CNTN5: variants seen among roughly 807,000 people sequenced by gnomAD.
CNTN5 encodes contactin-5.
CNTN5 carries 77 observed loss-of-function variants against 129.1 expected under a neutral mutation model. The observed-to-expected ratio is 0.60, with a 90% CI of 0.50 to 0.72. The LOEUF (loss-of-function observed/expected upper bound fraction) is 0.72. Ranked by LOEUF, CNTN5 falls within the 30% of genes least tolerant of loss-of-function variation. The pLI is 0.00. For synonymous variants in CNTN5, 509 were observed against 465.6 expected (o/e 1.09, Z -1.20); for missense variants, 1,478 against 1,328.8 (o/e 1.11, Z -1.75).
chr11:99,563,938 C>A (rs771294595), intron 3 of CNTN5, among the ~76,000 whole-genome samples: 14 of 152,194 alleles, frequency 9.2e-5, no homozygotes, highest in South Asian at 6.2e-4. Flanking sequence ...GATTCAATCT[C>A]TTCAAGAGAG....
At chr11:99,921,629 C>T (rs556297013) in intron 7 of CNTN5, among the ~76,000 whole-genome samples, 18 of 152,228 alleles carry the variant, frequency 1.2e-4, no homozygotes, top group Admixed American at 8.5e-4. Context: ...TTACTTACTT[C>T]GTTGTTCATA....
rs892557018 is a variant in CNTN5 at position 100,167,161 on chromosome 11, GT to G, written c.1581-23964del. 7.9e-5 allele frequency among the ~76,000 whole-genome samples: 12 copies of G among 151,592 alleles called. No homozygotes were observed. The East Asian group carries it at 1.4e-3, about 17-fold the overall frequency. ...CCGCCCCCAAATTCCAATTAAAACA[GT>G]ACACTGAGTTTAATATTCATCAAAA... is the stretch of plus-strand genomic sequence containing the variant. On this transcript the variant is annotated intron_variant, in intron 13 of 24. Coordinates refer to ENST00000524871, the MANE Select transcript of CNTN5 (RefSeq NM_014361.4).
At chr11:99,635,538 C>T (rs1056176827) in intron 3 of CNTN5, among the ~76,000 whole-genome samples, 3 of 151,996 alleles carry the variant, frequency 2.0e-5, no homozygotes, top group African/African-American at 7.2e-5. Flanking sequence ...CCCTACCTTT[C>T]TGCTTGCCAA....
At position 100,074,241 on chromosome 11, in the gene CNTN5, A is replaced by G; in HGVS notation, c.1527A>G (p.Pro509=). 1 of 1,611,226 alleles carries G rather than the reference A, an allele frequency of 6.2e-7. No homozygotes were observed. Among genetic ancestry groups the G allele is most frequent in the African/African-American group, 1.3e-5 (1 of 74,994 alleles). ...VVIECKPQGS[P]KPTISWKKGD... ...TAGAGTGCAAACCCCAAGGCTCTCCAAAACCAACCATCTCTTGGAAGAAAG... is the reference window on the plus strand; with the variant it reads ...TAGAGTGCAAACCCCAAGGCTCTCCGAAACCAACCATCTCTTGGAAGAAAG... Residue 509 remains proline (P), a synonymous_variant, in exon 13 of 25, where the codon CCA becomes CCG. Transcript: ENST00000524871.
intron 20 of CNTN5, among the ~76,000 whole-genome samples, chr11:100,304,119 G>A (rs894978368): frequency 2.0e-5 from 3 of 151,442 alleles, no homozygotes; most frequent in Non-Finnish European, 4.4e-5. Flanking sequence ...ATGTATCATC[G>A]AAATTCATGA....
Position 99,542,025 on chromosome 11 carries a change from A to G in CNTN5, c.-70-14120A>G, listed in dbSNP as rs578178464. On this transcript the variant is annotated intron_variant, in intron 2 of 24. Coordinates refer to ENST00000524871, the MANE Select transcript of CNTN5 (RefSeq NM_014361.4). The stretch of plus-strand genomic sequence containing the variant: ...TGGGGACAAATATTTTCAATAATTT[A>G]CTTTCCAAATTTATCTCTTTGTTTT... Among the ~76,000 whole-genome samples the G allele has an allele frequency of 1.6e-3, 241 of 151,312 alleles. 2 individuals are homozygous for G. The highest frequency in any genetic ancestry group is 5.2e-3 in the African/African-American group (214 of 41,270).
At chr11:99,759,551 T>A (rs1162303765) in intron 3 of CNTN5, among the ~76,000 whole-genome samples, 1 of 152,032 alleles carries the variant, frequency 6.6e-6, no homozygotes, top group Admixed American at 6.6e-5. Flanking sequence ...TTTCAGCTAC[T>A]TGAGATATGA....
chr11:99,450,273 T>C (rs1944246536), intron 2 of CNTN5, among the ~76,000 whole-genome samples: 2 of 150,442 alleles, frequency 1.3e-5, no homozygotes, highest in African/African-American at 4.9e-5. Context: ...TATATATATA[T>C]ATATATATAT....
chr11:99,567,867 G>T (rs2135568087), intron 3 of CNTN5, among the ~76,000 whole-genome samples: 1 of 152,100 alleles, frequency 6.6e-6, no homozygotes, highest in Non-Finnish European at 1.5e-5. Flanking sequence ...TGGGCGGTGG[G>T]AACTGGATTA....
intron 1 of CNTN5, among the ~76,000 whole-genome samples, chr11:99,126,694 A>G (rs1194961913): frequency 1.3e-5 from 2 of 152,194 alleles, no homozygotes; most frequent in Non-Finnish European, 2.9e-5. Context: ...AATGAAAACT[A>G]CAAGTGTTCA....
chr11:100,163,293 T>C (rs1400524155), intron 13 of CNTN5, among the ~76,000 whole-genome samples: 2 of 151,810 alleles, frequency 1.3e-5, no homozygotes, highest in Non-Finnish European at 2.9e-5. Flanking sequence ...TATAATTGTT[T>C]ATATTATATA....
chr11:100,082,327 G>A (rs1488409877), intron 13 of CNTN5, among the ~76,000 whole-genome samples: 1 of 152,162 alleles, frequency 6.6e-6, no homozygotes, highest in Non-Finnish European at 1.5e-5. Context: ...TGTCACCCAA[G>A]CTGGAGTGCA....
chr11:99,820,032 A>G (rs1233652586), intron 4 of CNTN5, among the ~76,000 whole-genome samples: 1 of 152,126 alleles, frequency 6.6e-6, no homozygotes, highest in African/African-American at 2.4e-5. Flanking sequence ...CTTTTCATAG[A>G]GACTGGGAGA....
At chr11:99,798,649 T>C (rs895856228) in intron 3 of CNTN5, among the ~76,000 whole-genome samples, 44 of 152,180 alleles carry the variant, frequency 2.9e-4, no homozygotes, top group African/African-American at 9.9e-4. Flanking sequence ...ATCAGTACCA[T>C]GGAGCTGTTT....
At chr11:100,324,896 T>C (rs1951760545) in intron 21 of CNTN5, among the ~76,000 whole-genome samples, 1 of 152,200 alleles carries the variant, frequency 6.6e-6, no homozygotes, top group Admixed American at 6.5e-5. Context: ...TGTAACTCAT[T>C]AAATTGCATC....
intron 2 of CNTN5, among the ~76,000 whole-genome samples, chr11:99,446,494 CCTT>C (rs780853690): frequency 3.3e-5 from 5 of 152,076 alleles, no homozygotes; most frequent in Non-Finnish European, 7.4e-5. Flanking sequence ...TTCTTCCAAT[CCTT>C]CTATTTCAGT....
At chr11:99,570,032 T>C (rs1949127919) in intron 3 of CNTN5, among the ~76,000 whole-genome samples, 1 of 151,838 alleles carries the variant, frequency 6.6e-6, no homozygotes, top group Admixed American at 6.6e-5. Context: ...GATATTTGAA[T>C]AGTCAATGTC....
intron 18 of CNTN5, among the ~76,000 whole-genome samples, chr11:100,289,360 AT>A: frequency 6.6e-6 from 1 of 152,174 alleles, no homozygotes; most frequent in Non-Finnish European, 1.5e-5. Context: ...AAAATCCTCA[AT>A]AAAATACTGG....
chr11:100,015,280 G>T (rs1350908389), intron 9 of CNTN5, among the ~76,000 whole-genome samples: 1 of 152,084 alleles, frequency 6.6e-6, no homozygotes, highest in Non-Finnish European at 1.5e-5. Flanking sequence ...TCCTAGTAGG[G>T]TGTTATGCAG....
Sources: allele counts gnomAD v4.1 joint callset (sites outside exome capture counted in the v4.1 genomes callset), GRCh38; gene constraint gnomAD v4.1.1; transcripts MANE v1.5; gene names NCBI Gene and HGNC (gene_info 2026-07-23, HGNC 2026-07-21).